IMMP2L: variants seen among roughly 807,000 people sequenced by gnomAD.
IMMP2L encodes mitochondrial inner membrane protease subunit 2.
A neutral mutation model predicts 19.3 loss-of-function variants in IMMP2L; 18 were observed. The observed-to-expected ratio is 0.93, with a 90% CI of 0.64 to 1.38. The LOEUF (loss-of-function observed/expected upper bound fraction) is 1.38. IMMP2L is among the 40% of genes most tolerant of loss of function. The probability of loss-of-function intolerance (pLI) is 0.00; values close to 1 mark genes in which losing one functional copy is unlikely to be tolerated. For missense variants in IMMP2L, 233 were observed against 218.2 expected (o/e 1.07, Z -0.43); for synonymous variants, 76 against 73.0 (o/e 1.04, Z -0.21).
At chr7:111,465,386 C>T (rs894728834) in intron 3 of IMMP2L, among the ~76,000 whole-genome samples, 2 of 151,144 alleles carry the variant, frequency 1.3e-5, no homozygotes, top group Non-Finnish European at 2.9e-5. Context: ...CAAACCCCTA[C>T]TTCAGCCAAA....
At chr7:111,364,606 G>C (rs995141987) in intron 3 of IMMP2L, among the ~76,000 whole-genome samples, 4 of 149,510 alleles carry the variant, frequency 2.7e-5, no homozygotes, top group African/African-American at 9.9e-5. Flanking sequence ...CTGCACTCCA[G>C]CTTGGGCTAC....
chr7:111,300,921 G>T (rs1013761926), intron 3 of IMMP2L, among the ~76,000 whole-genome samples: 1 of 152,108 alleles, frequency 6.6e-6, no homozygotes, highest in African/African-American at 2.4e-5. Context: ...GTTTTTGTTG[G>T]AACATAAGTT....
chr7:110,705,443 C>A (rs1794593500), intron 5 of IMMP2L, among the ~76,000 whole-genome samples: 2 of 152,076 alleles, frequency 1.3e-5, no homozygotes, highest in Admixed American at 1.3e-4. Flanking sequence ...AGAGGTAGTT[C>A]CCCAGGTAAT....
chr7:110,856,848 C>T (rs914783322), intron 5 of IMMP2L, among the ~76,000 whole-genome samples: 2 of 152,018 alleles, frequency 1.3e-5, no homozygotes. Flanking sequence ...GTTCATTAAA[C>T]AGCAGTGGTC....
chr7:111,269,176 A>C (rs1445433640), intron 3 of IMMP2L, among the ~76,000 whole-genome samples: 1 of 152,116 alleles, frequency 6.6e-6, no homozygotes, highest in Admixed American at 6.6e-5. Flanking sequence ...CTTCACTGTA[A>C]AATTTTTTAT....
At chr7:111,374,526 T>C (rs1003273642) in intron 3 of IMMP2L, among the ~76,000 whole-genome samples, 1 of 152,060 alleles carries the variant, frequency 6.6e-6, no homozygotes, top group Non-Finnish European at 1.5e-5. Context: ...TCTCCCACAT[T>C]ATTATTGTCC....
At chr7:111,398,992 T>C (rs1488660536) in intron 3 of IMMP2L, among the ~76,000 whole-genome samples, 1 of 150,922 alleles carries the variant, frequency 6.6e-6, no homozygotes, top group Admixed American at 6.6e-5. Context: ...CACAAACAAA[T>C]AGAAACACAT....
intron 5 of IMMP2L, among the ~76,000 whole-genome samples, chr7:110,710,854 T>G (rs1267782040): frequency 3.0e-3 from 28 of 9,360 alleles, no homozygotes; most frequent in Middle Eastern, 0.056. Context: ...TTGTTTTCCA[T>G]TGGCTTGGTA....
chr7:111,007,260 A>G (rs1449707276), intron 3 of IMMP2L, among the ~76,000 whole-genome samples: 1 of 152,120 alleles, frequency 6.6e-6, no homozygotes, highest in East Asian at 1.9e-4. Flanking sequence ...CATGGGGGAA[A>G]TCACCCTCAT....
At chr7:111,290,557 G>A (rs1213993801) in intron 3 of IMMP2L, among the ~76,000 whole-genome samples, 1 of 151,792 alleles carries the variant, frequency 6.6e-6, no homozygotes, top group Non-Finnish European at 1.5e-5. Flanking sequence ...TTATGTCAGA[G>A]GTCAGCAACC....
chr7:110,934,479 T>C (rs1426434911), intron 4 of IMMP2L, among the ~76,000 whole-genome samples: 1 of 152,212 alleles, frequency 6.6e-6, no homozygotes, highest in Non-Finnish European at 1.5e-5. Context: ...GGATAATGTC[T>C]GTGGGCTCTA....
At chr7:110,941,252 G>A (rs1273755303) in intron 4 of IMMP2L, among the ~76,000 whole-genome samples, 1 of 152,272 alleles carries the variant, frequency 6.6e-6, no homozygotes, top group East Asian at 1.9e-4. Flanking sequence ...TGGCTATTCA[G>A]TATATCAGCT....
chr7:110,822,766 G>A (rs937236113), intron 5 of IMMP2L, among the ~76,000 whole-genome samples: 2 of 152,068 alleles, frequency 1.3e-5, no homozygotes, highest in African/African-American at 4.8e-5. Flanking sequence ...GGAAGCCCAA[G>A]TTTAAAATAT....
At chr7:110,721,267 G>A (rs1584609228) in intron 5 of IMMP2L, among the ~76,000 whole-genome samples, 1 of 152,054 alleles carries the variant, frequency 6.6e-6, no homozygotes, top group African/African-American at 2.4e-5. Context: ...GTCTCACATT[G>A]TTCAGGGTTG....
At chr7:111,349,293 T>A (rs1827894339) in intron 3 of IMMP2L, among the ~76,000 whole-genome samples, 1 of 152,120 alleles carries the variant, frequency 6.6e-6, no homozygotes, top group African/African-American at 2.4e-5. Flanking sequence ...GGAGCACCTA[T>A]GTTGAGCAGC....
chr7:110,978,201 A>G (rs1199813918), intron 3 of IMMP2L, among the ~76,000 whole-genome samples: 2 of 152,014 alleles, frequency 1.3e-5, no homozygotes, highest in Non-Finnish European at 2.9e-5. Context: ...TTAGTCTCAT[A>G]TTCACTGTTT....
intron 3 of IMMP2L, among the ~76,000 whole-genome samples, chr7:110,985,920 T>A (rs747272906): frequency 1.3e-5 from 2 of 152,204 alleles, no homozygotes; most frequent in East Asian, 3.8e-4. Context: ...AACGTAATGA[T>A]AATTTAATAA....
chr7:111,333,613 T>C (rs1826094782), intron 3 of IMMP2L, among the ~76,000 whole-genome samples: 1 of 151,932 alleles, frequency 6.6e-6, no homozygotes, highest in African/African-American at 2.4e-5. Context: ...CAAAGGAGAT[T>C]AACATTTGAG....
chr7:110,912,246 A>T (rs1327543176), intron 4 of IMMP2L, among the ~76,000 whole-genome samples: 1 of 152,158 alleles, frequency 6.6e-6, no homozygotes, highest in African/African-American at 2.4e-5. Context: ...ACAGCCAGTA[A>T]ATTTAGAATT....
Sources: allele counts gnomAD v4.1 joint callset (sites outside exome capture counted in the v4.1 genomes callset), GRCh38; gene constraint gnomAD v4.1.1; transcripts MANE v1.5; gene names NCBI Gene and HGNC (gene_info 2026-07-23, HGNC 2026-07-21).